FCAMR: variants seen among roughly 807,000 people sequenced by gnomAD.
FCAMR encodes the protein Fc alpha and mu receptor, also known as high affinity immunoglobulin alpha and immunoglobulin mu Fc receptor.
FCAMR carries 51 observed loss-of-function variants against 52.2 expected under a neutral mutation model. That is an observed-to-expected ratio of 0.98 (90% confidence interval 0.78 to 1.23). The LOEUF (loss-of-function observed/expected upper bound fraction) is 1.23, where lower values mean the gene tolerates loss of function less well. Ranked by LOEUF, FCAMR falls within the 50% of genes most tolerant of loss-of-function variation. The pLI, the probability that FCAMR is intolerant of heterozygous loss-of-function variation, is 0.00. For synonymous variants in FCAMR, 282 were observed against 262.0 expected, an observed-to-expected ratio of 1.08 and a Z score of -0.74; for missense variants, 719 against 712.6, an observed-to-expected ratio of 1.01 and a Z score of -0.10.
chr1:206,959,360 C>T (rs1045886622), intron 7 of FCAMR, among the ~76,000 whole-genome samples: 1 of 151,802 alleles, frequency 6.6e-6, no homozygotes, highest in African/African-American at 2.4e-5. Flanking sequence ...GCCTGTAGTC[C>T]TAGCTACTTG....
chr1:206,962,056 A>T (rs1460298277), intron 5 of FCAMR, among the ~76,000 whole-genome samples, 157 bp downstream of exon 5: 1 of 152,208 alleles, frequency 6.6e-6, no homozygotes, highest in Non-Finnish European at 1.5e-5. Context: ...TTCTTCTGAA[A>T]TGAAAGCCTA....
At position 206,960,898 on chromosome 1, in the gene FCAMR, A is replaced by C; in HGVS notation, c.978T>G (p.Val326=). 1 of 1,552,162 alleles carries C rather than the reference A, an allele frequency of 6.4e-7. No individual in the cohort carries two copies. The highest frequency in any genetic ancestry group is 8.7e-7 in the Non-Finnish European group (1 of 1,147,090). ...SRSMSNTTEG[V]WEGTRSSVTN... ...TCACCGAGCTTCTGGTGCCCTCCCA[A>C]ACACCTTCTGTTGTATTGGACATGC... is the stretch of plus-strand genomic sequence containing the variant. The change falls in exon 6 of 8, where the codon GTT becomes GTG. Residue 326 remains valine, a synonymous_variant. Coordinates refer to ENST00000324852, the MANE Select transcript of FCAMR (RefSeq NM_001170631.2).
chr1:206,966,438 T>A (rs1045626475), intron 3 of FCAMR, among the ~76,000 whole-genome samples: 5 of 152,202 alleles, frequency 3.3e-5, no homozygotes, highest in African/African-American at 1.2e-4. Flanking sequence ...CAGGTTGGAG[T>A]GCAGTGGCGC....
intron 2 of FCAMR, 80 bp from the exon 3 acceptor site, chr1:206,967,192 C>T (rs1680749450): frequency 6.8e-7 from 1 of 1,465,448 alleles, no homozygotes. Flanking sequence ...CAAGCATCTT[C>T]TCACTTTGGG....
intron 6 of FCAMR, chr1:206,960,120 G>C (rs564972161): frequency 1.2e-5 from 6 of 497,644 alleles, no homozygotes; most frequent in Non-Finnish European, 2.1e-5. Context: ...TGTGGCTTCA[G>C]TGCATCACCC....
intron 3 of FCAMR, 37 bp from the exon 4 acceptor site, chr1:206,965,895 A>T: frequency 6.2e-7 from 1 of 1,609,774 alleles, no homozygotes; most frequent in Non-Finnish European, 8.5e-7. Flanking sequence ...TCAGGGGGCC[A>T]TCCATGTGTC....
chr1:206,970,053 AG>A, intron 1 of FCAMR, 33 bp downstream of exon 1: 1 of 1,613,766 alleles, frequency 6.2e-7, no homozygotes, highest in Non-Finnish European at 8.5e-7. Context: ...TTCAGAGGCA[AG>A]ATCCCAACCT....
At position 206,960,603 on chromosome 1, in the gene FCAMR, C is replaced by T. The variant is rs750702708; in HGVS notation, c.1273G>A (p.Val425Met). 5.8e-6 allele frequency: 9 copies of T among 1,551,822 alleles called. No individual in the cohort carries two copies. In the South Asian group the frequency reaches 8.3e-5, roughly 14 times the overall value. The stretch of plus-strand genomic sequence containing the variant: ...GCAGCTGGAGTTCCCAAGATCCACA[C>T]ATCTGCAGCTGGAGTTCCCAAGGTC... ...MWTLGTPAADVWILGTPAADV... is the reference protein window; with the variant it reads ...MWTLGTPAADMWILGTPAADV... The change falls in exon 6 of 8, where the codon GTG becomes ATG. Residue 425 changes from valine (V) to methionine (M), a missense_variant. By Grantham distance (21) the Val-to-Met change is conservative (BLOSUM62 1). Coordinates refer to ENST00000324852, the MANE Select transcript of FCAMR (RefSeq NM_001170631.2).
At position 206,960,674 on chromosome 1, in the gene FCAMR, T is replaced by G; in HGVS notation, c.1202A>C (p.Gln401Pro). The change falls in exon 6 of 8, where the codon CAA (glutamine) becomes CCA (proline). Residue 401 changes from glutamine (Q) to proline (P), a missense_variant. Coordinates refer to ENST00000324852, the MANE Select transcript of FCAMR (RefSeq NM_001170631.2). The part of the protein sequence containing the change: ...LPQATPVSKQ[Q>P]SQGSIGETTP... Reference sequence around the variant, plus strand: ...TGTTTCTCCAATGGAACCCTGAGATTGTTGCTTAGAAACTGGCGTTGCTTG... The same window carrying G: ...TGTTTCTCCAATGGAACCCTGAGATGGTTGCTTAGAAACTGGCGTTGCTTG... 6.4e-7 allele frequency: 1 copy of G among 1,552,078 alleles called. No homozygotes were observed. The highest frequency in any genetic ancestry group is 8.7e-7 in the Non-Finnish European group (1 of 1,147,078).
In FCAMR at chr1:206,962,518, G is replaced by A; in HGVS notation, c.347C>T (p.Ser116Leu). The A allele has an allele frequency of 6.3e-7, 1 of 1,596,274 alleles. No individual in the cohort carries two copies. The highest frequency in any genetic ancestry group is 8.6e-7 in the Non-Finnish European group (1 of 1,168,022). ...PNSLKGSRLV[S>L]GEPGGAVTIQ... ...GGTGACAGCTCCTCCAGGCTCCCCTGACACCAGCCTTGAGCCCTTCAATGA... is the reference window on the plus strand; with the variant it reads ...GGTGACAGCTCCTCCAGGCTCCCCTAACACCAGCCTTGAGCCCTTCAATGA... The change falls in exon 5 of 8, where the codon TCA becomes TTA. Residue 116 changes from serine (S) to leucine (L), a missense_variant. Coordinates refer to ENST00000324852, the MANE Select transcript of FCAMR (RefSeq NM_001170631.2).
At chr1:206,965,883 C>T in intron 3 of FCAMR, 25 bp from the exon 4 acceptor site, 2 of 1,608,368 alleles carry the variant, frequency 1.2e-6, no homozygotes, top group Middle Eastern at 3.3e-4. Flanking sequence ...GGAGATGGGT[C>T]ATCAGGGGGC....
intron 1 of FCAMR, chr1:206,969,314 T>A: frequency 2.2e-6 from 1 of 455,534 alleles, no homozygotes; most frequent in Non-Finnish European, 4.4e-6. Flanking sequence ...GAAGCAGGAG[T>A]ATGAGATAAA....
chr1:206,966,841 C>T (rs549813352), intron 3 of FCAMR, among the ~76,000 whole-genome samples: 3 of 152,272 alleles, frequency 2.0e-5, no homozygotes, highest in Admixed American at 6.5e-5. Context: ...GTACTGGGTA[C>T]TCTTGGCGCA....
At position 206,959,835 on chromosome 1, in the gene FCAMR, T is replaced by C. The variant is rs771885917; in HGVS notation, c.1455-38A>G. ...TGGAAAGAGCACAGGGGAGAGGAGG[T>C]TGGAGCTGGGCAGAAGATTAAAGAC... On this transcript the variant is annotated intron_variant, in intron 6 of 7. Coordinates refer to ENST00000324852, the MANE Select transcript of FCAMR (RefSeq NM_001170631.2). 17 of 1,510,364 alleles carry C rather than the reference T, an allele frequency of 1.1e-5. No individual in the cohort carries two copies. In the East Asian group the frequency reaches 2.9e-4, roughly 26 times the overall value. 93.6% of individuals were successfully genotyped at this position (1,510,364 alleles called of 1,614,324 possible).
chr1:206,960,942 G>C lies in FCAMR; in HGVS notation c.934C>G (p.Pro312Ala), dbSNP rs763852435. Residue 312 changes from proline (P) to alanine (A), a missense_variant, in exon 6 of 8, where the codon CCA becomes GCA. Physicochemically the swap from Pro to Ala is conservative, Grantham distance 27. Coordinates refer to ENST00000324852, the MANE Select transcript of FCAMR (RefSeq NM_001170631.2). ...VKAPAPIPESPPSKSRSMSNT... is the reference protein window; with the variant it reads ...VKAPAPIPESAPSKSRSMSNT... ...GACATGCTTCTGCTCTTTGAAGGTG[G>C]ACTCTCTGGAATCGGAGCAGGTGCT... 1 of 1,552,048 alleles carries C rather than the reference G, an allele frequency of 6.4e-7. No homozygotes were observed. Among genetic ancestry groups the C allele is most frequent in the African/African-American group, 1.4e-5 (1 of 73,044 alleles).
chr1:206,962,710 T>A (rs1038055591), intron 4 of FCAMR, among the ~76,000 whole-genome samples, 159 bp from the exon 5 acceptor site: 1 of 152,182 alleles, frequency 6.6e-6, no homozygotes, highest in African/African-American at 2.4e-5. Flanking sequence ...AACTCAGCCA[T>A]TGGGAAAGCA....
At chr1:206,966,915 A>G (rs1207587909) in intron 3 of FCAMR, 137 bp downstream of exon 3, 1 of 737,844 alleles carries the variant, frequency 1.4e-6, no homozygotes, top group Non-Finnish European at 2.3e-6. Flanking sequence ...CAGCATGGAG[A>G]TGGAGCCATT....
chr1:206,958,111 A>G lies in FCAMR; in HGVS notation c.*405T>C, dbSNP rs929404958. ...AGGCTGGTACACTTAAATATAATAC[A>G]TGTGAATGGGAGGCTGAGTGCTAAC... On this transcript the variant is annotated 3_prime_UTR_variant, in exon 8 of 8. Transcript: ENST00000324852. 1 of 162,582 alleles carries G rather than the reference A, an allele frequency of 6.2e-6. No homozygotes were observed. Among genetic ancestry groups the G allele is most frequent in the Admixed American group, 6.3e-5 (1 of 15,872 alleles). The allele number at this position is 162,582 out of a possible 1,614,324, so 10.1% of individuals were successfully genotyped here.
intron 2 of FCAMR, 31 bp from the exon 3 acceptor site, chr1:206,967,143 C>CT (rs779785248): frequency 6.2e-7 from 1 of 1,609,612 alleles, no homozygotes; most frequent in South Asian, 1.1e-5. Context: ...GAAAAGAGGC[C>CT]TGAGAGAAGC....
Sources: gnomAD v4.1 joint callset for allele counts (sites outside exome capture counted in the v4.1 genomes callset) on GRCh38, gnomAD v4.1.1 for gene constraint, MANE v1.5 for transcripts, NCBI Gene and HGNC (gene_info 2026-07-23, HGNC 2026-07-21) for gene names.